MOCS1: variants seen among roughly 807,000 people sequenced by gnomAD.
MOCS1 encodes molybdenum cofactor synthesis 1, also known as molybdenum cofactor biosynthesis protein 1.
MOCS1 carries 39 observed loss-of-function variants against 57.6 expected under a neutral mutation model. That is an observed-to-expected ratio of 0.68 (90% CI 0.52 to 0.88). The LOEUF (loss-of-function observed/expected upper bound fraction) is 0.88. Ranked by LOEUF, MOCS1 falls within the 40% of genes least tolerant of loss-of-function variation. The pLI is 0.00. For synonymous variants in MOCS1, 334 were observed against 335.7 expected, an observed-to-expected ratio of 1.00 and a Z score of 0.05; for missense variants, 795 against 831.1, an observed-to-expected ratio of 0.96 and a Z score of 0.53.
chr6:39,926,541 AT>A (rs1768314647), intron 2 of MOCS1, among the ~76,000 whole-genome samples: 3 of 151,044 alleles, frequency 2.0e-5, no homozygotes, highest in Non-Finnish European at 4.4e-5. Flanking sequence ...ATGAAGGCAA[AT>A]TACTCAGTTG....
At chr6:39,925,380 G>A (rs1263443952) in intron 3 of MOCS1, among the ~76,000 whole-genome samples, 2 of 152,192 alleles carry the variant, frequency 1.3e-5, no homozygotes, top group Non-Finnish European at 2.9e-5. Context: ...CAAGGGTTTT[G>A]GAGGTCAGCA....
Position 39,934,367 on chromosome 6 carries a change from G to A in MOCS1, c.51C>T (p.Ser17=). 6.4e-7 allele frequency: 1 copy of A among 1,557,516 alleles called. No homozygotes were observed. Among genetic ancestry groups the A allele is most frequent in the Non-Finnish European group, 8.6e-7 (1 of 1,156,206 alleles). ...SRMLRRLLRS[S]ARSCSSGAPV... Reference sequence around the variant, plus strand: ...GAGCCCCTGAGCTGCAGCTCCGGGCGCTGGACCTCAGAAGCCGCCGCAGCA... The same window carrying A: ...GAGCCCCTGAGCTGCAGCTCCGGGCACTGGACCTCAGAAGCCGCCGCAGCA... The change falls in exon 1 of 11, where the codon AGC becomes AGT. Residue 17 remains serine, a synonymous_variant. Transcript: ENST00000340692.
intron 2 of MOCS1, among the ~76,000 whole-genome samples, chr6:39,926,365 C>T (rs916503400): frequency 1.8e-4 from 28 of 152,028 alleles, no homozygotes; most frequent in African/African-American, 6.3e-4. Context: ...TATCATCAGA[C>T]CCATTTTATA....
rs760138258 is a variant in MOCS1, at chr6:39,905,168, GCAGGC to G, written c.*1184_*1188del. The G allele has an allele frequency of 2.6e-5, 12 of 454,222 alleles. No individual in the cohort carries two copies. The highest frequency in any genetic ancestry group is 5.3e-5 in the Non-Finnish European group (12 of 226,904). The allele number at this position is 454,222 out of a possible 1,614,324, so 28.1% of individuals were successfully genotyped here. A position where few individuals can be genotyped will look rare whatever the true frequency, so the allele number is the denominator to read the frequency against. On this transcript the variant is annotated 3_prime_UTR_variant, in exon 11 of 11. Transcript: ENST00000340692. ...AAAGACATCCAAGTTAGAGAGCCCA[GCAGGC>G]CAGAACTGTGTGTGTTTGGGATGTG...
chr6:39,905,849 G>A lies in MOCS1; in HGVS notation c.*508C>T, dbSNP rs1218991155. On this transcript the variant is annotated 3_prime_UTR_variant, in exon 11 of 11. Coordinates refer to ENST00000340692, the MANE Select transcript of MOCS1 (RefSeq NM_001358530.2). ...ACAGGACAGGACAGGGCAGGGCTGC[G>A]GCTTCACAGACTTAGGGAGGCAGAG... 11 of 470,708 alleles carry A rather than the reference G, an allele frequency of 2.3e-5. No individual in the cohort carries two copies. Among genetic ancestry groups the A allele is most frequent in the Non-Finnish European group, 4.4e-5 (10 of 227,176 alleles). 29.2% of individuals were successfully genotyped at this position (470,708 alleles called of 1,614,324 possible).
chr6:39,909,560 C>T (rs1246306879), intron 9 of MOCS1, among the ~76,000 whole-genome samples: 1 of 152,114 alleles, frequency 6.6e-6, no homozygotes, highest in Non-Finnish European at 1.5e-5. Context: ...GAAGCAATGA[C>T]ACCCCCTTCT....
At chr6:39,923,172 C>T (rs780742810) in intron 3 of MOCS1, among the ~76,000 whole-genome samples, 22 of 152,324 alleles carry the variant, frequency 1.4e-4, no homozygotes, top group Non-Finnish European at 2.6e-4. Context: ...TCACTGCAAG[C>T]GGGGCCTTGT....
intron 1 of MOCS1, 192 bp from the exon 2 acceptor site, chr6:39,927,647 G>GACCC: frequency 6.3e-7 from 1 of 1,585,888 alleles, no homozygotes; most frequent in South Asian, 1.1e-5. Context: ...TGATGGGAAG[G>GACCC]ACCCACCCCT....
Position 39,906,797 on chromosome 6 carries a change from C to G in MOCS1, c.1471G>C (p.Ala491Pro). 5 of 1,614,216 alleles carry G rather than the reference C, an allele frequency of 3.1e-6. No homozygotes were observed. The highest frequency in any genetic ancestry group is 4.2e-6 in the Non-Finnish European group (5 of 1,180,038). Residue 491 changes from alanine (A) to proline (P), a missense_variant, in exon 11 of 11, where the codon GCA (alanine) becomes CCA (proline). Physicochemically the swap from Ala to Pro is conservative, Grantham distance 27. Around this residue, in one of 3 missense-constraint regions of MOCS1, gnomAD observed 374 missense variants for 422.6 expected, o/e 0.89. Coordinates refer to ENST00000340692, the MANE Select transcript of MOCS1 (RefSeq NM_001358530.2). The stretch of plus-strand genomic sequence containing the variant: ...TTCCTGCCCACATCTACCATAGCTG[C>G]CCGTCCTTCCGAGTCCACATGAGTT... ...QLTHVDSEGRAAMVDVGRKPD... is the reference protein window; with the variant it reads ...QLTHVDSEGRPAMVDVGRKPD...
intron 2 of MOCS1, 119 bp from the exon 3 acceptor site, chr6:39,925,964 A>G: frequency 9.0e-7 from 1 of 1,113,696 alleles, no homozygotes; most frequent in Non-Finnish European, 1.3e-6. Flanking sequence ...TCTGGATGTG[A>G]GCGGAGACCT....
At chr6:39,912,463 T>C in intron 7 of MOCS1, 89 bp from the exon 8 acceptor site, 1 of 927,274 alleles carries the variant, frequency 1.1e-6, no homozygotes, top group South Asian at 1.3e-5. Flanking sequence ...GAACCTCCAC[T>C]CCTCAACCCT....
rs115999602 is a variant in MOCS1, at chr6:39,932,543, C to T, written c.123+1752G>A. On this transcript the variant is annotated intron_variant, in intron 1 of 10. Transcript: ENST00000340692. ...CAGCTACAATTATTGGCTGAATCCA[C>T]TGCCTGCACAACCCTGCGTTAAGCG... The T allele has an allele frequency of 6.6e-3, 1,007 of 152,390 alleles. 13 individuals carry two copies. Among genetic ancestry groups the T allele is most frequent in the Non-Finnish European group, 0.011 (771 of 68,058 alleles). The allele number at this position is 152,390 out of a possible 1,614,324, so 9.4% of individuals were successfully genotyped here.
chr6:39,916,970 C>T (rs1413351088), intron 3 of MOCS1, among the ~76,000 whole-genome samples: 1 of 152,064 alleles, frequency 6.6e-6, no homozygotes, highest in African/African-American at 2.4e-5. Flanking sequence ...GGGAGGTTGT[C>T]TAAGAGGGGA....
chr6:39,910,770 C>G (rs1289874506), intron 8 of MOCS1, among the ~76,000 whole-genome samples: 1 of 152,196 alleles, frequency 6.6e-6, no homozygotes, highest in East Asian at 1.9e-4. Context: ...CCTCCAGGTT[C>G]CCTTCTCTGC....
At chr6:39,914,889 A>C (rs1268988211) in intron 4 of MOCS1, among the ~76,000 whole-genome samples, 2 of 152,104 alleles carry the variant, frequency 1.3e-5, no homozygotes, top group East Asian at 3.9e-4. Context: ...AAAAGGGAGA[A>C]CGTGTTTGCG....
At chr6:39,909,351 G>A (rs1375325306) in intron 9 of MOCS1, among the ~76,000 whole-genome samples, 2 of 149,804 alleles carry the variant, frequency 1.3e-5, no homozygotes, top group African/African-American at 4.9e-5. Context: ...AAGCAGGGGA[G>A]CGGGAGAGGG....
chr6:39,905,426 T>C lies in MOCS1; in HGVS notation c.*931A>G. ...CTTCTTCCCTCAGGGAACTGTGTCT[T>C]GGGATAGGATTGATTGATTGATTGA... On this transcript the variant is annotated 3_prime_UTR_variant, in exon 11 of 11. Coordinates refer to ENST00000340692, the MANE Select transcript of MOCS1 (RefSeq NM_001358530.2). 2.1e-6 allele frequency: 1 copy of C among 469,818 alleles called. No individual in the cohort carries two copies. Among genetic ancestry groups the C allele is most frequent in the Non-Finnish European group, 4.4e-6 (1 of 227,022 alleles). The allele number at this position is 469,818 out of a possible 1,614,324, so 29.1% of individuals were successfully genotyped here.
At chr6:39,913,468 T>A (rs780578496) in intron 5 of MOCS1, 40 bp from the exon 6 acceptor site, 1 of 1,567,020 alleles carries the variant, frequency 6.4e-7, no homozygotes, top group African/African-American at 1.4e-5. Flanking sequence ...CTGTGCCCCC[T>A]GCATTCTTTT....
intron 8 of MOCS1, among the ~76,000 whole-genome samples, chr6:39,910,393 A>G (rs527712329): frequency 1.8e-4 from 28 of 152,200 alleles, no homozygotes; most frequent in African/African-American, 6.7e-4. Flanking sequence ...CAGCCCCTCC[A>G]AGTCCCTTGT....
Sources: gnomAD v4.1 joint callset for allele counts (sites outside exome capture counted in the v4.1 genomes callset) on GRCh38, gnomAD v4.1.1 for gene constraint, gnomAD v4.1.1 regional missense constraint, MANE v1.5 for transcripts, NCBI Gene and HGNC (gene_info 2026-07-23, HGNC 2026-07-21) for gene names.